The following PSD3 variants were observed in gnomAD, a reference collection of about 807,000 sequenced individuals.
PSD3 encodes the protein PH and SEC7 domain-containing protein 3.
PSD3 carries 49 observed loss-of-function variants against 105.5 expected under a neutral mutation model. That is an observed-to-expected ratio of 0.46 (90% CI 0.37 to 0.59). The LOEUF (loss-of-function observed/expected upper bound fraction) is 0.59. Among genes scored for constraint, PSD3 ranks in the 20% least tolerant of loss-of-function variants. The pLI is 0.00. For synonymous variants in PSD3, 557 were observed against 457.8 expected (o/e 1.22, Z -2.77); for missense variants, 1,561 against 1,263.8 (o/e 1.24, Z -3.57).
At chr8:18,567,706 T>C (rs1193970722) in intron 14 of PSD3, among the ~76,000 whole-genome samples, 1 of 152,166 alleles carries the variant, frequency 6.6e-6, no homozygotes, top group Non-Finnish European at 1.5e-5. Flanking sequence ...TTGAGCACAT[T>C]TTCCTCCTCC....
chr8:18,886,389 G>T (rs1329613048), intron 2 of PSD3, among the ~76,000 whole-genome samples: 1 of 152,234 alleles, frequency 6.6e-6, no homozygotes, highest in East Asian at 1.9e-4. Context: ...AATGGTTGGC[G>T]CGGGCATCCC....
At chr8:18,927,070 A>G (rs1586445956) in intron 2 of PSD3, among the ~76,000 whole-genome samples, 1 of 152,266 alleles carries the variant, frequency 6.6e-6, no homozygotes, top group East Asian at 1.9e-4. Flanking sequence ...TATAAAGGGT[A>G]TTACAAAGGA....
At chr8:18,816,903 G>C (rs754222565) in intron 4 of PSD3, among the ~76,000 whole-genome samples, 3 of 152,230 alleles carry the variant, frequency 2.0e-5, no homozygotes, top group Non-Finnish European at 4.4e-5. Flanking sequence ...AGGTATGCAA[G>C]AGGAGAGGGA....
Position 18,534,615 on chromosome 8 carries a change from A to G in PSD3, c.*1128T>C, listed in dbSNP as rs1242781834. On this transcript the variant is annotated 3_prime_UTR_variant, in exon 16 of 16. Coordinates refer to ENST00000327040, the MANE Select transcript of PSD3 (RefSeq NM_015310.4). ...AACCAGAAGATTCCTCAGTTTTCCA[A>G]CCATAATTCATTCTGACTACTACTT... 2 of 152,248 alleles carry G rather than the reference A, an allele frequency of 1.3e-5. No homozygotes were observed. The highest frequency in any genetic ancestry group is 2.4e-5 in the African/African-American group (1 of 41,456). 9.4% of individuals were successfully genotyped at this position (152,248 alleles called of 1,614,324 possible). A position where few individuals can be genotyped will look rare whatever the true frequency, so the allele number is the denominator to read the frequency against.
chr8:18,712,497 T>G (rs12541663), intron 9 of PSD3, among the ~76,000 whole-genome samples: 2,815 of 152,224 alleles, frequency 0.018, 182 homozygotes, highest in East Asian at 0.17. Flanking sequence ...AACACCTGTA[T>G]GCAAATAAAC....
chr8:18,863,256 T>C (rs551931539), intron 4 of PSD3, among the ~76,000 whole-genome samples: 9 of 152,316 alleles, frequency 5.9e-5, no homozygotes, highest in East Asian at 1.9e-4. Context: ...AACTTACTGA[T>C]TGAAGTTGTG....
chr8:18,644,655 A>G (rs1260021997), intron 10 of PSD3, among the ~76,000 whole-genome samples: 4 of 152,160 alleles, frequency 2.6e-5, no homozygotes, highest in East Asian at 1.9e-4. Context: ...ACTGCCCACA[A>G]TGCTCCGTTT....
At chr8:18,620,351 T>TTTTTG (rs555689737) in intron 11 of PSD3, among the ~76,000 whole-genome samples, 21,890 of 149,270 alleles carry the variant, frequency 0.15, 1,811 homozygotes, top group Middle Eastern at 0.33. Flanking sequence ...TGTTTTTTTT[T>TTTTTG]TTTTTTTTTC....
chr8:18,687,196 G>A (rs1478614832), intron 9 of PSD3, among the ~76,000 whole-genome samples: 1 of 152,140 alleles, frequency 6.6e-6, no homozygotes, highest in Non-Finnish European at 1.5e-5. Flanking sequence ...GGGTGCAGTG[G>A]CTCACTCCTG....
intron 1 of PSD3, among the ~76,000 whole-genome samples, chr8:18,980,342 G>C (rs1024249281): frequency 2.6e-5 from 4 of 152,182 alleles, no homozygotes; most frequent in Admixed American, 6.5e-5. Context: ...GACAGACAGG[G>C]AAGGAGATGG....
intron 1 of PSD3, among the ~76,000 whole-genome samples, chr8:18,950,346 T>A (rs1475551536): frequency 1.3e-5 from 2 of 152,238 alleles, no homozygotes; most frequent in Non-Finnish European, 2.9e-5. Flanking sequence ...TCAAATACTT[T>A]TTGTATTTTG....
At position 18,804,780 on chromosome 8, in the gene PSD3, C is replaced by G. The variant is rs1231789467; in HGVS notation, c.1753G>C (p.Ala585Pro). 2 of 1,614,032 alleles carry G rather than the reference C, an allele frequency of 1.2e-6. No individual in the cohort carries two copies. Among genetic ancestry groups the G allele is most frequent in the Non-Finnish European group, 1.7e-6 (2 of 1,180,012 alleles). ...TAAAGGCGTTTGGCCAACCTTTTGGCTGCTTCCACATTGCTGCTGGTACCA... is the reference window on the plus strand; with the variant it reads ...TAAAGGCGTTTGGCCAACCTTTTGGGTGCTTCCACATTGCTGCTGGTACCA... ...SNGTSSNVEA[A>P]KRLAKRLYQL... Residue 585 changes from alanine to proline, a missense_variant, in exon 5 of 16, where the codon GCC (alanine) becomes CCC (proline). By Grantham distance (27) the Ala-to-Pro change is conservative. Coordinates refer to ENST00000327040, the MANE Select transcript of PSD3 (RefSeq NM_015310.4).
intron 9 of PSD3, among the ~76,000 whole-genome samples, chr8:18,710,652 C>T (rs1802196001): frequency 6.6e-6 from 1 of 152,044 alleles, no homozygotes; most frequent in African/African-American, 2.4e-5. Flanking sequence ...TCAGCAGAAA[C>T]CTTACGAGCC....
chr8:19,078,067 G>A (rs867195112), intron 1 of PSD3, among the ~76,000 whole-genome samples: 28 of 152,096 alleles, frequency 1.8e-4, no homozygotes, highest in East Asian at 5.8e-4. Flanking sequence ...GTCTTGCTCC[G>A]TTGCCCAGGC....
intron 2 of PSD3, among the ~76,000 whole-genome samples, chr8:18,908,249 C>T (rs538968508): frequency 1.3e-5 from 2 of 152,202 alleles, no homozygotes; most frequent in Admixed American, 1.3e-4. Flanking sequence ...AGGGCAGTCA[C>T]CCAAATTAAG....
At chr8:19,002,448 T>C (rs1236243808) in intron 1 of PSD3, among the ~76,000 whole-genome samples, 1 of 151,998 alleles carries the variant, frequency 6.6e-6, no homozygotes, top group East Asian at 1.9e-4. Context: ...CAAGCATATA[T>C]CAACTTAGTA....
In PSD3 at chr8:18,542,522, G is replaced by A. The variant is rs185139949; in HGVS notation, c.2929-6564C>T. Among the ~76,000 whole-genome samples the A allele has an allele frequency of 1.2e-3, 189 of 152,246 alleles. 1 individual carries two copies. The highest frequency in any genetic ancestry group is 3.9e-3 in the African/African-American group (161 of 41,544). ...TTTTATAGCCAGATGGTAGAAAAGG[G>A]AATCTGAAACAGCAACAATATGTTT... is the stretch of plus-strand genomic sequence containing the variant. On this transcript the variant is annotated intron_variant, in intron 15 of 15. Coordinates refer to ENST00000327040, the MANE Select transcript of PSD3 (RefSeq NM_015310.4).
At chr8:18,541,006 C>T (rs1800120811) in intron 15 of PSD3, among the ~76,000 whole-genome samples, 1 of 151,908 alleles carries the variant, frequency 6.6e-6, no homozygotes, top group African/African-American at 2.4e-5. Flanking sequence ...TTCCTCCCTC[C>T]CCTCCCTCAC....
chr8:18,757,174 T>C (rs956805682), intron 9 of PSD3, among the ~76,000 whole-genome samples: 3 of 150,154 alleles, frequency 2.0e-5, no homozygotes, highest in Non-Finnish European at 4.4e-5. Context: ...AACTGGGATC[T>C]GGACGCGGTG....
Sources: gnomAD v4.1 joint callset for allele counts (sites outside exome capture counted in the v4.1 genomes callset) on GRCh38, gnomAD v4.1.1 for gene constraint, MANE v1.5 for transcripts, NCBI Gene and HGNC (gene_info 2026-07-23, HGNC 2026-07-21) for gene names.